Variants in PMS1 observed in about 807,000 individuals in gnomAD.
PMS1 encodes PMS1 homolog 1, mismatch repair system component, also known as PMS1 protein homolog 1.
Under a neutral mutation model 93.1 loss-of-function variants are expected in PMS1, and 79 were observed. That is an observed-to-expected ratio of 0.85 (90% CI 0.71 to 1.02). The LOEUF (loss-of-function observed/expected upper bound fraction) is 1.02, where lower values mean the gene tolerates loss of function less well. Ranked by LOEUF, PMS1 falls within the 50% of genes least tolerant of loss-of-function variation. The probability of loss-of-function intolerance (pLI) is 0.00; values close to 1 mark genes in which losing one functional copy is unlikely to be tolerated. For synonymous variants in PMS1, 335 were observed against 363.4 expected (o/e 0.92, Z 0.89); for missense variants, 1,064 against 1,085.3 (o/e 0.98, Z 0.28).
rs142576720 is a variant in PMS1 at position 189,851,857 on chromosome 2, A to G, written c.700-798A>G. Among the ~76,000 whole-genome samples, 7 of 152,304 alleles carry G rather than the reference A, an allele frequency of 4.6e-5. No individual in the cohort carries two copies. In the East Asian group the frequency reaches 5.8e-4, roughly 13 times the overall value. ...TAGAACTGGGATTCAAACCTTGTCA[A>G]TCTGGCTCTGTCTTATATTCTTAAC... On this transcript the variant is annotated intron_variant, in intron 6 of 12. Coordinates refer to ENST00000441310, the MANE Select transcript of PMS1 (RefSeq NM_000534.5).
chr2:189,820,841 A>G (rs1401844206), intron 5 of PMS1, among the ~76,000 whole-genome samples: 8 of 152,194 alleles, frequency 5.3e-5, no homozygotes, highest in Non-Finnish European at 1.2e-4. Flanking sequence ...TATTAAAGCT[A>G]TGGTAGAATG....
chr2:189,830,623 C>CT (rs1264597237), intron 5 of PMS1, among the ~76,000 whole-genome samples: 1 of 152,140 alleles, frequency 6.6e-6, no homozygotes. Context: ...GACTTTGGCT[C>CT]TTTTTTCACT....
At chr2:189,814,505 A>G (rs2051106464) in intron 4 of PMS1, among the ~76,000 whole-genome samples, 2 of 132,306 alleles carry the variant, frequency 1.5e-5, no homozygotes, top group African/African-American at 3.7e-5. Flanking sequence ...TGCAAGTACT[A>G]TGTGTCTTCC....
intron 4 of PMS1, among the ~76,000 whole-genome samples, chr2:189,811,307 G>A (rs1248349761): frequency 2.0e-5 from 3 of 151,334 alleles, no homozygotes; most frequent in East Asian, 1.9e-4. Context: ...AAGTCTGAGG[G>A]CTGGGCACGG....
Position 189,844,643 on chromosome 2 carries a change from C to CA in PMS1, c.699+583dup, listed in dbSNP as rs752620656. On this transcript the variant is annotated intron_variant, in intron 6 of 12. Coordinates refer to ENST00000441310, the MANE Select transcript of PMS1 (RefSeq NM_000534.5). ...TGGGTGACAGAGTGAGATTCCATCT[C>CA]AAAAAAAAAAAAAAAAAAAACTGTT... Among the ~76,000 whole-genome samples, 394 of 61,944 alleles carry CA rather than the reference C, an allele frequency of 6.4e-3. 2 individuals carry two copies. The highest frequency in any genetic ancestry group is 0.014 in the East Asian group (29 of 2,098). The allele number at this position is 61,944 out of a possible 152,430, so 40.6% of individuals were successfully genotyped here.
intron 4 of PMS1, 110 bp from the exon 5 acceptor site, chr2:189,817,907 A>C: frequency 2.5e-6 from 2 of 801,600 alleles, no homozygotes; most frequent in Non-Finnish European, 4.3e-6. Flanking sequence ...CTAGAATTGG[A>C]GGAGGAGACC....
intron 11 of PMS1, among the ~76,000 whole-genome samples, 157 bp downstream of exon 11, chr2:189,868,086 C>T (rs886811770): frequency 6.6e-6 from 1 of 152,226 alleles, no homozygotes; most frequent in Non-Finnish European, 1.5e-5. Flanking sequence ...AAAACATCAC[C>T]TCTGCCTGAA....
chr2:189,862,178 T>G (rs2056087399), intron 9 of PMS1, among the ~76,000 whole-genome samples: 1 of 152,162 alleles, frequency 6.6e-6, no homozygotes, highest in South Asian at 2.1e-4. Context: ...TCTTCACTTT[T>G]CTGTAAAAAC....
chr2:189,800,002 G>A (rs2049742804), intron 3 of PMS1, among the ~76,000 whole-genome samples: 1 of 152,208 alleles, frequency 6.6e-6, no homozygotes, highest in Non-Finnish European at 1.5e-5. Context: ...TCATAGTACT[G>A]ATGAGGAAAC....
chr2:189,843,567 A>T (rs1204374237), intron 5 of PMS1, among the ~76,000 whole-genome samples: 1 of 152,176 alleles, frequency 6.6e-6, no homozygotes, highest in Non-Finnish European at 1.5e-5. Context: ...TGAAGCAGCA[A>T]TTTGTTTTTA....
In PMS1 at chr2:189,863,856, C is replaced by G; in HGVS notation, c.1970C>G (p.Thr657Ser). 6.2e-7 allele frequency: 1 copy of G among 1,613,968 alleles called. No homozygotes were observed. Among genetic ancestry groups the G allele is most frequent in the Non-Finnish European group, 8.5e-7 (1 of 1,179,990 alleles). Residue 657 changes from threonine to serine, a missense_variant, in exon 10 of 13, where the codon ACC becomes AGC. Transcript: ENST00000441310. ...GATGGCAGAAAAAAGATAAAACCCA[C>G]CAGCGCATGGAATTTGGCCCAGAAG... is the stretch of plus-strand genomic sequence containing the variant. ...LKDGRKKIKP[T>S]SAWNLAQKHK... is the part of the protein sequence containing the mutation.
chr2:189,787,401 A>G (rs1001314792), intron 1 of PMS1, among the ~76,000 whole-genome samples: 2 of 152,206 alleles, frequency 1.3e-5, no homozygotes, highest in Non-Finnish European at 2.9e-5. Context: ...TACATAATAC[A>G]TAATTTCCTA....
At chr2:189,819,775 G>A (rs748751872) in intron 5 of PMS1, among the ~76,000 whole-genome samples, 1 of 152,014 alleles carries the variant, frequency 6.6e-6, no homozygotes, top group Admixed American at 6.6e-5. Context: ...TATCTCTGTT[G>A]GATGCAGAGT....
At chr2:189,818,236 A>G (rs974925621) in intron 5 of PMS1, 56 bp downstream of exon 5, 4 of 1,159,616 alleles carry the variant, frequency 3.4e-6, no homozygotes, top group Non-Finnish European at 5.1e-6. Context: ...TAAACAATGT[A>G]TACTTTATAA....
chr2:189,839,613 G>T (rs1485414676), intron 5 of PMS1, among the ~76,000 whole-genome samples: 1 of 152,210 alleles, frequency 6.6e-6, no homozygotes, highest in Non-Finnish European at 1.5e-5. Context: ...TGTCAAGTCT[G>T]ATTGTACTTG....
intron 4 of PMS1, among the ~76,000 whole-genome samples, chr2:189,811,601 C>CA (rs199953334): frequency 0.05 from 7,568 of 150,704 alleles, 197 homozygotes; most frequent in African/African-American, 0.071. Context: ...TCTTCAACAA[C>CA]AAAAAAAACT....
At chr2:189,852,620 T>C in intron 6 of PMS1, 35 bp from the exon 7 acceptor site, 1 of 1,589,136 alleles carries the variant, frequency 6.3e-7, no homozygotes, top group Non-Finnish European at 8.6e-7. Context: ...TGGAACTACA[T>C]TGTTGACATT....
At chr2:189,828,181 C>A (rs1474138051) in intron 5 of PMS1, among the ~76,000 whole-genome samples, 2 of 152,140 alleles carry the variant, frequency 1.3e-5, no homozygotes, top group Non-Finnish European at 2.9e-5. Flanking sequence ...ACCTTGGCCT[C>A]CCAAAGTGCT....
In PMS1 at chr2:189,840,033, A is replaced by G. The variant is rs1320401149; in HGVS notation, c.583-3931A>G. On this transcript the variant is annotated intron_variant, in intron 5 of 12. Transcript: ENST00000441310. ...AAACACACCATAATTTTGTTTAGAA[A>G]TGCAATATACACATTGAACCTATAC... 2.0e-5 allele frequency among the ~76,000 whole-genome samples: 3 copies of G among 152,198 alleles called. 1 individual carries two copies. Among genetic ancestry groups the G allele is most frequent in the Non-Finnish European group, 4.4e-5 (3 of 68,036 alleles).
Sources: allele counts gnomAD v4.1 joint callset (sites outside exome capture counted in the v4.1 genomes callset), GRCh38; gene constraint gnomAD v4.1.1; transcripts MANE v1.5; gene names NCBI Gene and HGNC (gene_info 2026-07-23, HGNC 2026-07-21).